The following C12orf42 variants were observed in gnomAD, a reference collection of about 807,000 sequenced individuals.
C12orf42 encodes the protein chromosome 12 open reading frame 42.
A neutral mutation model predicts 21.6 loss-of-function variants in C12orf42; 25 were observed. That is an observed-to-expected ratio of 1.16 (90% CI 0.84 to 1.62). The LOEUF (loss-of-function observed/expected upper bound fraction) is 1.62, where lower values mean the gene tolerates loss of function less well. Ranked by LOEUF, C12orf42 falls within the 40% of genes most tolerant of loss-of-function variation. The pLI is 0.00. For synonymous variants in C12orf42, 174 were observed against 175.0 expected, an observed-to-expected ratio of 0.99 and a Z score of 0.05; for missense variants, 483 against 459.3, an observed-to-expected ratio of 1.05 and a Z score of -0.47.
chr12:103,273,942 A>G (rs1378720327), intron 5 of C12orf42: 2 of 455,938 alleles, frequency 4.4e-6, no homozygotes, highest in Admixed American at 4.7e-5. Flanking sequence ...TACTCACAGT[A>G]AGTACTCAGT....
intron 2 of C12orf42, among the ~76,000 whole-genome samples, chr12:103,457,860 A>C (rs1183083078): frequency 6.6e-6 from 1 of 152,112 alleles, no homozygotes; most frequent in African/African-American, 2.4e-5. Context: ...AAAATTAAAA[A>C]CTTCACATTG....
intron 4 of C12orf42, among the ~76,000 whole-genome samples, chr12:103,319,588 A>G (rs899901650): frequency 6.6e-6 from 1 of 152,232 alleles, no homozygotes; most frequent in Non-Finnish European, 1.5e-5. Flanking sequence ...GCCTGAAAAT[A>G]AACCATCTAT....
the C12orf42 span, among the ~76,000 whole-genome samples, chr12:103,086,744 C>A: frequency 1.3e-5 from 2 of 151,894 alleles, no homozygotes; most frequent in African/African-American, 4.8e-5. Flanking sequence ...TTCATCAAAA[C>A]GGTGTTTTGT....
chr12:103,229,636 G>C, the C12orf42 span, among the ~76,000 whole-genome samples: 1 of 152,178 alleles, frequency 6.6e-6, no homozygotes, highest in African/African-American at 2.4e-5. Flanking sequence ...GAAGTCCCTT[G>C]TGTTTCCTTC....
the C12orf42 span, among the ~76,000 whole-genome samples, chr12:103,118,804 A>G: frequency 7.1e-6 from 1 of 139,900 alleles, no homozygotes; most frequent in African/African-American, 2.7e-5. Flanking sequence ...AAAAAAAAAA[A>G]TACTAGTTTT....
the C12orf42 span, among the ~76,000 whole-genome samples, chr12:103,515,228 C>T: frequency 3.9e-5 from 6 of 152,262 alleles, no homozygotes; most frequent in Non-Finnish European, 8.8e-5. Context: ...AATTGTCTTC[C>T]TTTTTGGCTA....
the C12orf42 span, among the ~76,000 whole-genome samples, chr12:103,094,867 C>T: frequency 6.6e-6 from 1 of 151,982 alleles, no homozygotes; most frequent in Admixed American, 6.6e-5. Context: ...TGTTCAATTC[C>T]TGAGCTAAGT....
chr12:103,184,918 G>A, the C12orf42 span, among the ~76,000 whole-genome samples: 1 of 151,814 alleles, frequency 6.6e-6, no homozygotes, highest in African/African-American at 2.4e-5. Context: ...CCATATGAAG[G>A]CATAGCAATA....
the C12orf42 span, among the ~76,000 whole-genome samples, chr12:103,170,104 T>TC: frequency 1.3e-5 from 2 of 152,280 alleles, no homozygotes; most frequent in South Asian, 4.1e-4. Flanking sequence ...ACTAATTTTT[T>TC]CCCAACCTAC....
At chr12:103,155,764 T>G in the C12orf42 span, among the ~76,000 whole-genome samples, 1 of 147,826 alleles carries the variant, frequency 6.8e-6, no homozygotes, top group Non-Finnish European at 1.5e-5. Context: ...TACAAGTATG[T>G]GTATATATAC....
chr12:103,241,868 CTG>C (rs1268343688), intron 10 of C12orf42, among the ~76,000 whole-genome samples: 1 of 152,152 alleles, frequency 6.6e-6, no homozygotes, highest in Non-Finnish European at 1.5e-5. Context: ...ACTATTTAGC[CTG>C]TGTTATTAGT....
the C12orf42 span, among the ~76,000 whole-genome samples, chr12:103,121,712 A>T: frequency 6.6e-6 from 1 of 152,194 alleles, no homozygotes; most frequent in Non-Finnish European, 1.5e-5. Flanking sequence ...CACGACCCTG[A>T]TGTTCAACAA....
Position 103,472,355 on chromosome 12 carries a change from C to T in C12orf42, c.78+5994G>A, listed in dbSNP as rs114686165. On this transcript the variant is annotated intron_variant, in intron 2 of 5. Transcript: ENST00000548883. ...AGGCGTGAGCCACCGCACCCAGCCA[C>T]AACTCAATTTTTAAAATTAGAAACA... Among the ~76,000 whole-genome samples, 760 of 152,192 alleles carry T rather than the reference C, an allele frequency of 5.0e-3. 5 individuals carry two copies. The highest frequency in any genetic ancestry group is 0.017 in the African/African-American group (721 of 41,524).
the C12orf42 span, among the ~76,000 whole-genome samples, chr12:103,163,690 G>C: frequency 6.6e-6 from 1 of 152,148 alleles, no homozygotes; most frequent in Admixed American, 6.6e-5. Context: ...GGCCTGGAAA[G>C]TCAGTTATCA....
chr12:103,386,307 C>T (rs1271053301), intron 3 of C12orf42, among the ~76,000 whole-genome samples: 1 of 152,158 alleles, frequency 6.6e-6, no homozygotes, highest in Non-Finnish European at 1.5e-5. Context: ...GCAGCCTCAG[C>T]ATCACATTTG....
the C12orf42 span, among the ~76,000 whole-genome samples, chr12:103,142,641 T>C: frequency 6.6e-6 from 1 of 152,282 alleles, no homozygotes; most frequent in Non-Finnish European, 1.5e-5. Flanking sequence ...AAATGACAGT[T>C]TTTATTCTGT....
At chr12:103,325,508 C>T (rs888382235) in intron 4 of C12orf42, among the ~76,000 whole-genome samples, 3 of 152,218 alleles carry the variant, frequency 2.0e-5, no homozygotes, top group Non-Finnish European at 4.4e-5. Context: ...GCTAAGCAAA[C>T]AGCCAGTATT....
At chr12:103,255,018 A>T (rs1443193669) in intron 10 of C12orf42, among the ~76,000 whole-genome samples, 1 of 152,188 alleles carries the variant, frequency 6.6e-6, no homozygotes, top group Non-Finnish European at 1.5e-5. Context: ...TTATATATTC[A>T]TTATATCAAC....
At chr12:103,142,407 A>G in the C12orf42 span, among the ~76,000 whole-genome samples, 6 of 152,200 alleles carry the variant, frequency 3.9e-5, no homozygotes, top group Non-Finnish European at 7.4e-5. Flanking sequence ...TTACAAACCC[A>G]TATATTTCAG....
Sources: allele counts gnomAD v4.1 joint callset (sites outside exome capture counted in the v4.1 genomes callset), GRCh38; gene constraint gnomAD v4.1.1; transcripts MANE v1.5; gene names NCBI Gene and HGNC (gene_info 2026-07-23, HGNC 2026-07-21).